ASAP1: variants seen among roughly 807,000 people sequenced by gnomAD.
ASAP1 encodes arf-GAP with SH3 domain, ANK repeat and PH domain-containing protein 1.
In ASAP1, 43 loss-of-function variants were observed where a neutral mutation model predicts 145.2. That is an observed-to-expected ratio of 0.30 (90% CI 0.23 to 0.38). The LOEUF (loss-of-function observed/expected upper bound fraction) is 0.38, where lower values mean the gene tolerates loss of function less well. Ranked by LOEUF, ASAP1 falls within the 10% of genes least tolerant of loss-of-function variation. The pLI, the probability that ASAP1 is intolerant of heterozygous loss-of-function variation, is 1.00. For synonymous variants in ASAP1, 546 were observed against 515.5 expected (o/e 1.06, Z -0.80); for missense variants, 1,018 against 1,355.3 (o/e 0.75, Z 3.91).
intron 3 of ASAP1, among the ~76,000 whole-genome samples, chr8:130,314,204 A>G (rs1386163222): frequency 6.6e-6 from 1 of 152,148 alleles, no homozygotes; most frequent in African/African-American, 2.4e-5. Context: ...ATTCTACTGG[A>G]GGGGCAACAA....
At chr8:130,181,503 T>A (rs1027286736) in intron 7 of ASAP1, among the ~76,000 whole-genome samples, 1 of 152,234 alleles carries the variant, frequency 6.6e-6, no homozygotes, top group African/African-American at 2.4e-5. Flanking sequence ...TCTTTGTGGG[T>A]ATGCACAAAA....
intron 3 of ASAP1, among the ~76,000 whole-genome samples, chr8:130,242,527 G>A (rs1221084348): frequency 2.0e-5 from 3 of 152,020 alleles, no homozygotes; most frequent in Non-Finnish European, 4.4e-5. Context: ...GGGCAATCAT[G>A]CTACCTTGAT....
At chr8:130,281,791 G>A (rs1000392714) in intron 3 of ASAP1, among the ~76,000 whole-genome samples, 4 of 152,194 alleles carry the variant, frequency 2.6e-5, no homozygotes, top group African/African-American at 9.7e-5. Flanking sequence ...TGGAGGCTGG[G>A]CGCGGTGGCT....
intron 24 of ASAP1, among the ~76,000 whole-genome samples, chr8:130,093,673 A>G (rs1443378138): frequency 6.7e-6 from 1 of 149,820 alleles, no homozygotes; most frequent in Non-Finnish European, 1.5e-5. Flanking sequence ...TCTCAAAAAA[A>G]AAAAAAAAAA....
At chr8:130,357,995 CG>C in intron 3 of ASAP1, 21 bp downstream of exon 3, 1 of 1,592,972 alleles carries the variant, frequency 6.3e-7, no homozygotes, top group Non-Finnish European at 8.5e-7. Context: ...GCGTGGACGG[CG>C]GGGGTCCCGG....
chr8:130,174,983 A>AT (rs1308742659), intron 9 of ASAP1, among the ~76,000 whole-genome samples: 1 of 152,206 alleles, frequency 6.6e-6, no homozygotes, highest in Admixed American at 6.5e-5. Flanking sequence ...TATTTAAATA[A>AT]TTCTATGCTT....
At chr8:130,290,247 A>T (rs1163435900) in intron 3 of ASAP1, among the ~76,000 whole-genome samples, 1 of 152,210 alleles carries the variant, frequency 6.6e-6, no homozygotes, top group East Asian at 1.9e-4. Context: ...ACTTTGGATT[A>T]GATGTCATAT....
chr8:130,269,973 C>G (rs945411534), intron 3 of ASAP1, among the ~76,000 whole-genome samples: 2 of 152,112 alleles, frequency 1.3e-5, no homozygotes, highest in South Asian at 4.1e-4. Context: ...AGTTCAAGAC[C>G]AGCCTGGCTA....
chr8:130,276,247 G>A (rs1820875375), intron 3 of ASAP1, among the ~76,000 whole-genome samples: 1 of 152,150 alleles, frequency 6.6e-6, no homozygotes. Context: ...GCACTGGGCC[G>A]CTCCAGCTGT....
intron 5 of ASAP1, among the ~76,000 whole-genome samples, chr8:130,192,230 CA>C (rs140899818): frequency 0.016 from 2,451 of 151,470 alleles, 70 homozygotes; most frequent in African/African-American, 0.056. Flanking sequence ...AATAAAAAAC[CA>C]AAAAATCTTA....
intron 3 of ASAP1, among the ~76,000 whole-genome samples, chr8:130,238,607 A>C (rs1818350394): frequency 6.6e-6 from 1 of 152,132 alleles, no homozygotes; most frequent in Non-Finnish European, 1.5e-5. Context: ...TATAAAACAT[A>C]TCAATTATAT....
At chr8:130,419,778 C>T (rs958311556) in intron 1 of ASAP1, among the ~76,000 whole-genome samples, 29 of 152,086 alleles carry the variant, frequency 1.9e-4, no homozygotes, top group African/African-American at 5.3e-4. Context: ...CACTGTGAAA[C>T]GGCTGCTGGC....
At chr8:130,073,819 G>A (rs1188533821) in intron 27 of ASAP1, among the ~76,000 whole-genome samples, 2 of 152,160 alleles carry the variant, frequency 1.3e-5, no homozygotes, top group Admixed American at 6.5e-5. Context: ...TACACCTCGT[G>A]ATAGAACACA....
chr8:130,162,257 C>T (rs2097670758), intron 11 of ASAP1, among the ~76,000 whole-genome samples: 1 of 152,134 alleles, frequency 6.6e-6, no homozygotes, highest in African/African-American at 2.4e-5. Context: ...CTTCCCCTAC[C>T]AATACCTCCA....
chr8:130,060,756 T>C lies in ASAP1; in HGVS notation c.3015A>G (p.Gly1005=). The C allele has an allele frequency of 6.2e-7, 1 of 1,614,160 alleles. No homozygotes were observed. Among genetic ancestry groups the C allele is most frequent in the South Asian group, 1.1e-5 (1 of 91,076 alleles). Residue 1005 remains glycine (G), a synonymous_variant, in exon 28 of 30, where the codon GGA becomes GGG. Transcript: ENST00000518721. ...GTTGCTGAGCCTTGGGTGAGACATC[T>C]CCAGTCTGGGATTTTGCTAGCAGGT... ...LGDLLAKSQT[G]DVSPKAQQPS...
chr8:130,391,656 G>A (rs936344717), intron 2 of ASAP1, among the ~76,000 whole-genome samples: 1 of 152,192 alleles, frequency 6.6e-6, no homozygotes, highest in Non-Finnish European at 1.5e-5. Flanking sequence ...ACTATCACAG[G>A]GCTGACCAAT....
At chr8:130,232,265 A>G (rs1817951068) in intron 4 of ASAP1, among the ~76,000 whole-genome samples, 1 of 152,190 alleles carries the variant, frequency 6.6e-6, no homozygotes, top group South Asian at 2.1e-4. Context: ...TCTAAAGAAA[A>G]TTGCCCAAGA....
At chr8:130,312,160 C>A (rs970758910) in intron 3 of ASAP1, among the ~76,000 whole-genome samples, 4 of 151,748 alleles carry the variant, frequency 2.6e-5, no homozygotes, top group Non-Finnish European at 4.4e-5. Flanking sequence ...CTCCTGTAGT[C>A]TCATCTATCA....
intron 24 of ASAP1, among the ~76,000 whole-genome samples, chr8:130,097,269 C>A: frequency 6.6e-6 from 1 of 151,510 alleles, no homozygotes. Flanking sequence ...GTGCTCTGGA[C>A]ACAGGCCTGT....
Sources: allele counts gnomAD v4.1 joint callset (sites outside exome capture counted in the v4.1 genomes callset), GRCh38; gene constraint gnomAD v4.1.1; transcripts MANE v1.5; gene names NCBI Gene and HGNC (gene_info 2026-07-23, HGNC 2026-07-21).